BMPR2: variants seen among roughly 807,000 people sequenced by gnomAD.
BMPR2 encodes the protein bone morphogenetic protein receptor type 2, also known as bone morphogenetic protein receptor type-2.
A neutral mutation model predicts 100.8 loss-of-function variants in BMPR2; 29 were observed. The ratio of observed to expected loss-of-function variants is 0.29; its 90% CI spans 0.21 to 0.39. The LOEUF (loss-of-function observed/expected upper bound fraction) is 0.39. Among genes scored for constraint, BMPR2 ranks in the 10% least tolerant of loss-of-function variants. The pLI, the probability that BMPR2 is intolerant of heterozygous loss-of-function variation, is 1.00. For synonymous variants in BMPR2, 382 were observed against 442.3 expected (o/e 0.86, Z 1.71); for missense variants, 1,011 against 1,274.5 (o/e 0.79, Z 3.15).
At chr2:202,418,418 C>T (rs1023456010) in intron 1 of BMPR2, among the ~76,000 whole-genome samples, 1 of 152,188 alleles carries the variant, frequency 6.6e-6, no homozygotes, top group African/African-American at 2.4e-5. Flanking sequence ...GACAAAAAGA[C>T]TCAAACTCTG....
At chr2:202,427,586 G>A (rs563004252) in intron 1 of BMPR2, among the ~76,000 whole-genome samples, 1 of 151,414 alleles carries the variant, frequency 6.6e-6, no homozygotes, top group South Asian at 2.1e-4. Flanking sequence ...ATTTCTCTGA[G>A]GTAGTTTGAT....
At chr2:202,387,487 T>G (rs1041546809) in intron 1 of BMPR2, among the ~76,000 whole-genome samples, 1 of 152,150 alleles carries the variant, frequency 6.6e-6, no homozygotes, top group Non-Finnish European at 1.5e-5. Flanking sequence ...ATACATAAAG[T>G]GTTAGTCTAA....
At chr2:202,377,670 C>T (rs1574415985) in intron 1 of BMPR2, 120 bp downstream of exon 1, 1 of 1,206,192 alleles carries the variant, frequency 8.3e-7, no homozygotes, top group Non-Finnish European at 1.2e-6. Context: ...CGCGGTGCAG[C>T]GGAGCTGCGA....
At chr2:202,403,952 C>G (rs922350762) in intron 1 of BMPR2, among the ~76,000 whole-genome samples, 31 of 150,796 alleles carry the variant, frequency 2.1e-4, no homozygotes, top group African/African-American at 7.3e-4. Flanking sequence ...TTGTGGTGAG[C>G]CGAGATTGTG....
chr2:202,526,108 T>C (rs937082676), intron 7 of BMPR2, among the ~76,000 whole-genome samples: 1 of 151,844 alleles, frequency 6.6e-6, no homozygotes, highest in Non-Finnish European at 1.5e-5. Flanking sequence ...TCAGGTGATC[T>C]GCCCACCTCA....
At chr2:202,442,556 C>G (rs1691770227) in intron 1 of BMPR2, among the ~76,000 whole-genome samples, 1 of 150,540 alleles carries the variant, frequency 6.6e-6, no homozygotes, top group Non-Finnish European at 1.5e-5. Context: ...TCCCCCTATC[C>G]TGCATGGCTG....
intron 1 of BMPR2, among the ~76,000 whole-genome samples, chr2:202,438,558 C>T (rs775239605): frequency 2.8e-4 from 42 of 150,442 alleles, no homozygotes; most frequent in Admixed American, 5.9e-4. Flanking sequence ...GGATCTACAC[C>T]TATGTTTTAT....
chr2:202,402,989 C>T (rs563357970), intron 1 of BMPR2, among the ~76,000 whole-genome samples: 246 of 149,276 alleles, frequency 1.6e-3, no homozygotes, highest in Non-Finnish European at 2.5e-3. Flanking sequence ...CCACCACGCC[C>T]GGCTAATTTT....
chr2:202,560,015 T>TA lies in BMPR2; in HGVS notation c.*79dup, dbSNP rs886055471. 18,812 of 1,354,014 alleles carry TA rather than the reference T, an allele frequency of 0.014. 3 individuals are homozygous for TA. The highest frequency in any genetic ancestry group is 0.015 in the Non-Finnish European group (15,013 of 1,004,216). 83.9% of individuals were successfully genotyped at this position (1,354,014 alleles called of 1,614,324 possible). ...TAAACATGCAGAAGATGTTTAAAAA[T>TA]AAAAAAAAAACTGCTTTATCCTCCT... On this transcript the variant is annotated 3_prime_UTR_variant, in exon 13 of 13. Coordinates refer to ENST00000374580, the MANE Select transcript of BMPR2 (RefSeq NM_001204.7).
chr2:202,379,420 A>G (rs748508922), intron 1 of BMPR2, among the ~76,000 whole-genome samples: 2 of 152,226 alleles, frequency 1.3e-5, no homozygotes, highest in East Asian at 1.9e-4. Flanking sequence ...TACCACATTA[A>G]TGGTAACAGC....
chr2:202,536,532 A>G (rs923545795), intron 9 of BMPR2, among the ~76,000 whole-genome samples: 39 of 151,436 alleles, frequency 2.6e-4, no homozygotes, highest in African/African-American at 9.4e-4. Flanking sequence ...CAGAGATTCA[A>G]TTGAGGCATT....
chr2:202,553,769 A>G (rs1688519570), intron 11 of BMPR2, among the ~76,000 whole-genome samples: 1 of 152,062 alleles, frequency 6.6e-6, no homozygotes, highest in South Asian at 2.1e-4. Flanking sequence ...GCTCACTGCA[A>G]CCTCTGCCTC....
chr2:202,439,520 G>A (rs1691687695), intron 1 of BMPR2, among the ~76,000 whole-genome samples: 1 of 149,130 alleles, frequency 6.7e-6, no homozygotes. Flanking sequence ...AAACAGAGAT[G>A]ACTTGACTTC....
chr2:202,432,853 T>C (rs1171533937), intron 1 of BMPR2, among the ~76,000 whole-genome samples: 1 of 150,504 alleles, frequency 6.6e-6, no homozygotes, highest in Non-Finnish European at 1.5e-5. Flanking sequence ...GCAGCAGAAA[T>C]CTGTGTGTTT....
chr2:202,554,327 G>A (rs999319026), intron 11 of BMPR2, among the ~76,000 whole-genome samples: 22 of 151,798 alleles, frequency 1.4e-4, no homozygotes, highest in Non-Finnish European at 3.1e-4. Flanking sequence ...AAACCTTGAT[G>A]GCCCACCTTG....
chr2:202,488,724 T>C (rs6738541), intron 3 of BMPR2, among the ~76,000 whole-genome samples: 49,349 of 151,906 alleles, frequency 0.32, 8,875 homozygotes, highest in African/African-American at 0.48. Context: ...TGAGCCAGCA[T>C]GCACAGAGTT....
intron 9 of BMPR2, among the ~76,000 whole-genome samples, chr2:202,540,712 A>G (rs1023593143): frequency 5.3e-5 from 8 of 152,200 alleles, no homozygotes; most frequent in Non-Finnish European, 1.0e-4. Flanking sequence ...ATCTCCATGT[A>G]AGTGATATAA....
At chr2:202,444,355 GAA>G (rs1449209243) in intron 1 of BMPR2, among the ~76,000 whole-genome samples, 3 of 150,534 alleles carry the variant, frequency 2.0e-5, no homozygotes, top group African/African-American at 7.5e-5. Flanking sequence ...TTTTTTATAA[GAA>G]AATTTATTTT....
At chr2:202,499,669 G>A (rs1242204027) in intron 3 of BMPR2, among the ~76,000 whole-genome samples, 8 of 152,122 alleles carry the variant, frequency 5.3e-5, no homozygotes, top group African/African-American at 1.9e-4. Context: ...TAAAAGATAA[G>A]TTTATTACCC....
Sources: allele counts gnomAD v4.1 joint callset (sites outside exome capture counted in the v4.1 genomes callset), GRCh38; gene constraint gnomAD v4.1.1; transcripts MANE v1.5; gene names NCBI Gene and HGNC (gene_info 2026-07-23, HGNC 2026-07-21).